BZW2: variants seen among roughly 807,000 people sequenced by gnomAD.
The protein encoded by BZW2 is basic leucine zipper and W2 domains 2, also known as eIF5-mimic protein 1.
A neutral mutation model predicts 53.2 loss-of-function variants in BZW2; 23 were observed. The observed-to-expected ratio is 0.43, with a 90% CI of 0.31 to 0.61. The LOEUF (loss-of-function observed/expected upper bound fraction) is 0.61, where lower values mean the gene tolerates loss of function less well. Among genes scored for constraint, BZW2 ranks in the 20% least tolerant of loss-of-function variants. The pLI, the probability that BZW2 is intolerant of heterozygous loss-of-function variation, is 0.09. For missense variants in BZW2, 409 were observed against 503.1 expected, an observed-to-expected ratio of 0.81 and a Z score of 1.79; for synonymous variants, 227 against 186.4, an observed-to-expected ratio of 1.22 and a Z score of -1.77.
chr7:16,689,222 TC>T (rs1323218114), intron 6 of BZW2, among the ~76,000 whole-genome samples: 1 of 151,684 alleles, frequency 6.6e-6, no homozygotes, highest in Non-Finnish European at 1.5e-5. Flanking sequence ...TGAGACTCCA[TC>T]CCCCCAAAAA....
intron 2 of BZW2, among the ~76,000 whole-genome samples, chr7:16,669,511 A>G (rs1181433303): frequency 6.6e-6 from 1 of 152,226 alleles, no homozygotes; most frequent in Non-Finnish European, 1.5e-5. Context: ...ATCTTGAAAT[A>G]TATGTGCAAA....
chr7:16,671,494 C>T (rs1237342214), intron 2 of BZW2, among the ~76,000 whole-genome samples: 1 of 152,152 alleles, frequency 6.6e-6, no homozygotes, highest in Non-Finnish European at 1.5e-5. Flanking sequence ...TGTCCTTTCA[C>T]CATTATCCAC....
At chr7:16,681,444 T>C in intron 4 of BZW2, 40 bp downstream of exon 4, 1 of 1,523,210 alleles carries the variant, frequency 6.6e-7, no homozygotes, top group South Asian at 1.1e-5. Context: ...TGAAGAGGAC[T>C]GAGGAAAACT....
At chr7:16,691,976 A>G (rs1783323342) in intron 7 of BZW2, among the ~76,000 whole-genome samples, 1 of 152,200 alleles carries the variant, frequency 6.6e-6, no homozygotes, top group Admixed American at 6.5e-5. Context: ...AAACTGGGTG[A>G]GAACAGCGTA....
At chr7:16,682,255 T>C (rs1470529452) in intron 4 of BZW2, among the ~76,000 whole-genome samples, 2 of 152,212 alleles carry the variant, frequency 1.3e-5, no homozygotes, top group Non-Finnish European at 2.9e-5. Context: ...CTTAGAAAAC[T>C]GTCTAGAATC....
At chr7:16,697,941 A>G in intron 9 of BZW2, 107 bp from the exon 10 acceptor site, 1 of 1,377,908 alleles carries the variant, frequency 7.3e-7, no homozygotes, top group Non-Finnish European at 1.0e-6. Context: ...CAATCCTGAA[A>G]GTCAGTCTTT....
At chr7:16,658,467 A>G (rs975844715) in intron 1 of BZW2, among the ~76,000 whole-genome samples, 21 of 152,148 alleles carry the variant, frequency 1.4e-4, no homozygotes, top group African/African-American at 4.8e-4. Flanking sequence ...GTAGTTTTGG[A>G]AGTATTATAA....
At chr7:16,660,786 A>T (rs1228334352) in intron 1 of BZW2, among the ~76,000 whole-genome samples, 3 of 152,122 alleles carry the variant, frequency 2.0e-5, no homozygotes, top group Non-Finnish European at 4.4e-5. Context: ...CTGATAGAGA[A>T]CGTTTCCATC....
chr7:16,666,744 C>G (rs1225508449), intron 2 of BZW2, among the ~76,000 whole-genome samples: 1 of 152,096 alleles, frequency 6.6e-6, no homozygotes, highest in Non-Finnish European at 1.5e-5. Context: ...ATGACAGCTA[C>G]TGCAGACTCA....
At chr7:16,697,121 G>C in intron 9 of BZW2, 60 bp downstream of exon 9, 2 of 1,546,620 alleles carry the variant, frequency 1.3e-6, no homozygotes, top group Non-Finnish European at 8.7e-7. Context: ...TTTTTTGTTT[G>C]TTTGTTTGTT....
At position 16,698,167 on chromosome 7, in the gene BZW2, T is replaced by A; in HGVS notation, c.1089T>A (p.Ile363=). The change falls in exon 10 of 12, where the codon ATT becomes ATA. Residue 363 remains isoleucine (I), a synonymous_variant. Transcript: ENST00000258761. ...NIHFMKAFQK[I]VVLFYKADVL... is the part of the protein sequence containing the mutation. ...ATTTCATGAAAGCCTTTCAGAAGATTGTGGTTCTCTTTTATAAAGGTATCC... is the reference window on the plus strand; with the variant it reads ...ATTTCATGAAAGCCTTTCAGAAGATAGTGGTTCTCTTTTATAAAGGTATCC... 6.2e-7 allele frequency: 1 copy of A among 1,614,196 alleles called. No individual in the cohort carries two copies. The highest frequency in any genetic ancestry group is 8.5e-7 in the Non-Finnish European group (1 of 1,180,020).
chr7:16,692,809 C>A (rs1390095578), intron 7 of BZW2, among the ~76,000 whole-genome samples: 1 of 152,048 alleles, frequency 6.6e-6, no homozygotes, highest in Non-Finnish European at 1.5e-5. Context: ...TAAAGAGCTT[C>A]CAAATGTGGG....
intron 6 of BZW2, chr7:16,686,927 T>G (rs1173357984): frequency 6.6e-6 from 1 of 152,178 alleles, no homozygotes; most frequent in Non-Finnish European, 1.5e-5. Context: ...ATGTTATTAG[T>G]ATTATGACAT....
intron 2 of BZW2, among the ~76,000 whole-genome samples, chr7:16,666,435 G>C (rs535769198): frequency 8.6e-6 from 1 of 116,580 alleles, no homozygotes; most frequent in Admixed American, 8.1e-5. Flanking sequence ...ACGGAGTCTT[G>C]CTCCGTCGTC....
chr7:16,646,636 C>T (rs902363404), intron 1 of BZW2, among the ~76,000 whole-genome samples: 7 of 152,200 alleles, frequency 4.6e-5, no homozygotes, highest in Admixed American at 2.0e-4. Flanking sequence ...GAGGCTGGGG[C>T]CGGGGCTCTG....
chr7:16,688,940 T>C (rs1274177407), intron 6 of BZW2, among the ~76,000 whole-genome samples: 1 of 152,208 alleles, frequency 6.6e-6, no homozygotes, highest in Non-Finnish European at 1.5e-5. Context: ...AAAATGCTTT[T>C]TATGGCTGCG....
chr7:16,673,168 A>C (rs534100666), intron 2 of BZW2, among the ~76,000 whole-genome samples: 2 of 151,980 alleles, frequency 1.3e-5, no homozygotes, highest in Middle Eastern at 3.2e-3. Flanking sequence ...GGATGGTCTC[A>C]ATCTTCTGAC....
chr7:16,658,095 A>T (rs1461367195), intron 1 of BZW2, among the ~76,000 whole-genome samples: 2 of 152,198 alleles, frequency 1.3e-5, no homozygotes, highest in African/African-American at 4.8e-5. Flanking sequence ...TGAGCTGGCT[A>T]GCCCTTGGGG....
chr7:16,696,473 A>G (rs2128368309), intron 8 of BZW2, among the ~76,000 whole-genome samples: 1 of 152,366 alleles, frequency 6.6e-6, no homozygotes, highest in Middle Eastern at 3.4e-3. Context: ...TCATTGAAGA[A>G]TAAATTGTGG....
Sources: allele counts gnomAD v4.1 joint callset (sites outside exome capture counted in the v4.1 genomes callset), GRCh38; gene constraint gnomAD v4.1.1; transcripts MANE v1.5; gene names NCBI Gene and HGNC (gene_info 2026-07-23, HGNC 2026-07-21).